URI1: variants seen among roughly 807,000 people sequenced by gnomAD.
URI1 encodes the protein unconventional prefoldin RPB5 interactor 1.
Under a neutral mutation model 60.2 loss-of-function variants are expected in URI1, and 39 were observed. That is an observed-to-expected ratio of 0.65 (90% confidence interval 0.50 to 0.85). The LOEUF is 0.85. URI1 is among the 40% of genes least tolerant of loss of function. The pLI, the probability that URI1 is intolerant of heterozygous loss-of-function variation, is 0.00. For synonymous variants in URI1, 251 were observed against 236.8 expected (o/e 1.06, Z -0.55); for missense variants, 691 against 665.9 (o/e 1.04, Z -0.42).
At chr19:29,956,673 G>C (rs573261289) in intron 1 of URI1, 11 of 1,540,060 alleles carry the variant, frequency 7.1e-6, no homozygotes, top group Middle Eastern at 2.0e-4. Flanking sequence ...ACCCATTCTG[G>C]ATAACGACGT....
chr19:29,969,480 AATGGAT>A (rs1444607292), intron 1 of URI1, among the ~76,000 whole-genome samples: 1 of 152,218 alleles, frequency 6.6e-6, no homozygotes, highest in Non-Finnish European at 1.5e-5. Context: ...CACCGTCACT[AATGGAT>A]ATAGCTTAGA....
At chr19:29,970,941 C>A (rs888301495) in intron 1 of URI1, among the ~76,000 whole-genome samples, 1 of 151,972 alleles carries the variant, frequency 6.6e-6, no homozygotes, top group African/African-American at 2.4e-5. Context: ...AGTTATGAAG[C>A]GGGTTTTGTA....
chr19:29,997,401 TG>T, intron 4 of URI1, among the ~76,000 whole-genome samples: 1 of 152,322 alleles, frequency 6.6e-6, no homozygotes, highest in Admixed American at 6.5e-5. Context: ...GTTCCACTTT[TG>T]TTTGTGATTT....
At position 30,015,236 on chromosome 19, in the gene URI1, C is replaced by CT; in HGVS notation, c.*168dup. The CT allele has an allele frequency of 7.0e-7, 1 of 1,419,170 alleles. No individual in the cohort carries two copies. The highest frequency in any genetic ancestry group is 9.2e-7 in the Non-Finnish European group (1 of 1,090,834). The allele number at this position is 1,419,170 out of a possible 1,614,324, so 87.9% of individuals were successfully genotyped here. A position where few individuals can be genotyped will look rare whatever the true frequency, so the allele number is the denominator to read the frequency against. ...TGGTATTTGAAAAAAATCAAGGTAA[C>CT]TGTCTGAATACTTTAATATCAGCTT... On this transcript the variant is annotated 3_prime_UTR_variant, in exon 11 of 11. Transcript: ENST00000392271.
At chr19:29,981,557 GGAAGTGGTT>G (rs2055598151) in intron 2 of URI1, among the ~76,000 whole-genome samples, 1 of 151,968 alleles carries the variant, frequency 6.6e-6, no homozygotes, top group African/African-American at 2.4e-5. Flanking sequence ...AGATTCAGAA[GGAAGTGGTT>G]AAAGTTTCTT....
intron 2 of URI1, chr19:29,983,432 G>A (rs962315131): frequency 2.6e-5 from 4 of 152,090 alleles, no homozygotes; most frequent in African/African-American, 9.7e-5. Flanking sequence ...TTATGCTACT[G>A]TTGCTTCAGG....
At chr19:29,936,189 C>T (rs1368195933) in intron 1 of URI1, among the ~76,000 whole-genome samples, 2 of 151,986 alleles carry the variant, frequency 1.3e-5, no homozygotes, top group African/African-American at 2.4e-5. Context: ...CTGAAACCTC[C>T]ACTTCCCAGG....
At chr19:29,961,664 C>CTTTTTTTTTTTTTTTTTTTT (rs1341999009) in intron 1 of URI1, among the ~76,000 whole-genome samples, 1 of 109,266 alleles carries the variant, frequency 9.2e-6, no homozygotes, top group African/African-American at 3.5e-5. Context: ...GCTTTTGATT[C>CTTTTTTTTTTTTTTTTTTTT]TTTTTTTTTT....
chr19:29,939,488 G>A (rs949061371), upstream of URI1, among the ~76,000 whole-genome samples: 1 of 151,360 alleles, frequency 6.6e-6, no homozygotes, highest in Non-Finnish European at 1.5e-5. Flanking sequence ...TGGCCAGGCT[G>A]GTCTCAAACT....
At chr19:29,955,815 T>G (rs975165427) in intron 1 of URI1, among the ~76,000 whole-genome samples, 2 of 152,030 alleles carry the variant, frequency 1.3e-5, no homozygotes, top group African/African-American at 4.8e-5. Flanking sequence ...GGTCTCAAAC[T>G]CCTGACCTCA....
At chr19:29,948,875 C>T (rs941274310) in intron 1 of URI1, among the ~76,000 whole-genome samples, 2 of 152,168 alleles carry the variant, frequency 1.3e-5, no homozygotes, top group Non-Finnish European at 2.9e-5. Context: ...CACGGGGTGG[C>T]GGCCAGGCAG....
intron 1 of URI1, among the ~76,000 whole-genome samples, chr19:29,961,850 T>A (rs921902394): frequency 1.3e-5 from 2 of 152,188 alleles, no homozygotes; most frequent in South Asian, 2.1e-4. Context: ...CACCCCTGGC[T>A]AATTTTTTGT....
intron 1 of URI1, among the ~76,000 whole-genome samples, chr19:29,961,634 G>T (rs1408107584): frequency 6.6e-6 from 1 of 150,644 alleles, no homozygotes; most frequent in Non-Finnish European, 1.5e-5. Flanking sequence ...TGTGAACATG[G>T]GTGTTTGGTT....
At chr19:29,932,809 A>G (rs1023525443) in intron 1 of URI1, among the ~76,000 whole-genome samples, 2 of 150,616 alleles carry the variant, frequency 1.3e-5, no homozygotes, top group African/African-American at 4.9e-5. Context: ...CCATCACCAC[A>G]TCCAGCTAAT....
At chr19:29,945,493 A>G (rs931478560) in intron 1 of URI1, among the ~76,000 whole-genome samples, 1 of 152,256 alleles carries the variant, frequency 6.6e-6, no homozygotes, top group Non-Finnish European at 1.5e-5. Flanking sequence ...AAGTGACAAT[A>G]TCTGTAGTCA....
At chr19:29,924,817 C>A (rs2054851979) in intron 1 of URI1, among the ~76,000 whole-genome samples, 1 of 152,172 alleles carries the variant, frequency 6.6e-6, no homozygotes, top group African/African-American at 2.4e-5. Flanking sequence ...GCTCTCTGAA[C>A]CCCCTCTTAT....
chr19:29,959,328 A>G (rs933206178), intron 1 of URI1, among the ~76,000 whole-genome samples: 3 of 152,082 alleles, frequency 2.0e-5, no homozygotes, highest in African/African-American at 4.8e-5. Context: ...GAGTCTCACT[A>G]TGTTGCCCAG....
intron 4 of URI1, among the ~76,000 whole-genome samples, chr19:29,992,991 A>G (rs1013937602): frequency 7.2e-5 from 11 of 152,220 alleles, no homozygotes; most frequent in African/African-American, 2.7e-4. Flanking sequence ...TGATCTTAAT[A>G]GATTTTCCTT....
intron 1 of URI1, among the ~76,000 whole-genome samples, chr19:29,929,179 T>C (rs949978212): frequency 3.9e-5 from 6 of 152,238 alleles, no homozygotes; most frequent in African/African-American, 1.4e-4. Context: ...AGTCTATGTT[T>C]GACTTTGTAA....
Sources: allele counts gnomAD v4.1 joint callset (sites outside exome capture counted in the v4.1 genomes callset), GRCh38; gene constraint gnomAD v4.1.1; transcripts MANE v1.5; gene names NCBI Gene and HGNC (gene_info 2026-07-23, HGNC 2026-07-21).